Variants in MYO16 observed in about 807,000 individuals in gnomAD.
MYO16 encodes unconventional myosin-XVI.
MYO16 carries 94 observed loss-of-function variants against 205.3 expected under a neutral mutation model. The observed-to-expected ratio is 0.46, with a 90% CI of 0.39 to 0.54. The LOEUF (loss-of-function observed/expected upper bound fraction) is 0.54, where lower values mean the gene tolerates loss of function less well. Among genes scored for constraint, MYO16 ranks in the 20% least tolerant of loss-of-function variants. The probability of loss-of-function intolerance (pLI) is 0.00; values close to 1 mark genes in which losing one functional copy is unlikely to be tolerated. For synonymous variants in MYO16, 988 were observed against 954.0 expected, an observed-to-expected ratio of 1.04 and a Z score of -0.66; for missense variants, 2,315 against 2,387.5, an observed-to-expected ratio of 0.97 and a Z score of 0.63.
rs577217836 is a variant in MYO16, at chr13:109,022,122, AAT to A, written c.2796+2219_2796+2220del. On this transcript the variant is annotated intron_variant, in intron 23 of 34. Coordinates refer to ENST00000457511, the MANE Select transcript of MYO16 (RefSeq NM_001198950.3). The stretch of plus-strand genomic sequence containing the variant: ...CATATAAAACATATTTATATATACA[AAT>A]ATATATACATATATATATTTATATA... Among the ~76,000 whole-genome samples, 461 of 141,574 alleles carry A rather than the reference AAT, an allele frequency of 3.3e-3. 19 individuals are homozygous for A. Among genetic ancestry groups the A allele is most frequent in the African/African-American group, 0.012 (444 of 37,824 alleles). The allele number at this position is 141,574 out of a possible 152,430, so 92.9% of individuals were successfully genotyped here.
chr13:108,951,048 G>T (rs28434400), intron 16 of MYO16, among the ~76,000 whole-genome samples: 4,812 of 120,312 alleles, frequency 0.04, 234 homozygotes, highest in African/African-American at 0.13. Context: ...ACGTTTTTTT[G>T]TTTTTGTTTT....
chr13:108,990,626 TTTC>T (rs1464303159), intron 20 of MYO16, among the ~76,000 whole-genome samples: 1 of 152,232 alleles, frequency 6.6e-6, no homozygotes, highest in African/African-American at 2.4e-5. Context: ...ATTTTTATTC[TTTC>T]TTCTTATAAA....
intron 15 of MYO16, among the ~76,000 whole-genome samples, chr13:108,908,110 T>C (rs1307436161): frequency 6.6e-6 from 1 of 152,184 alleles, no homozygotes; most frequent in Non-Finnish European, 1.5e-5. Flanking sequence ...TGCCACCTAA[T>C]TGATTCTCAT....
At chr13:109,071,962 T>C (rs1194407029) in intron 27 of MYO16, among the ~76,000 whole-genome samples, 1 of 152,196 alleles carries the variant, frequency 6.6e-6, no homozygotes, top group East Asian at 1.9e-4. Context: ...ACTTCAGCAC[T>C]GAATTTCATA....
intron 13 of MYO16, among the ~76,000 whole-genome samples, chr13:108,887,144 C>T (rs1247830049): frequency 1.3e-5 from 2 of 152,028 alleles, no homozygotes; most frequent in Non-Finnish European, 2.9e-5. Flanking sequence ...ATGGATGTCC[C>T]AAAACTCAGT....
intron 27 of MYO16, among the ~76,000 whole-genome samples, chr13:109,058,700 G>C (rs1053951216): frequency 6.6e-6 from 1 of 152,110 alleles, no homozygotes; most frequent in African/African-American, 2.4e-5. Context: ...GGTTGCTGAA[G>C]GCTAGGGTGG....
chr13:109,084,553 C>T (rs1364203973), intron 27 of MYO16, among the ~76,000 whole-genome samples: 2 of 152,114 alleles, frequency 1.3e-5, no homozygotes, highest in East Asian at 1.9e-4. Context: ...AGGGGATGGT[C>T]ACTAGCATCA....
chr13:109,035,018 A>G (rs767882411), intron 23 of MYO16, among the ~76,000 whole-genome samples: 3 of 152,214 alleles, frequency 2.0e-5, no homozygotes, highest in Non-Finnish European at 4.4e-5. Flanking sequence ...GTTGAGAAGC[A>G]GAAACTATAA....
At chr13:109,183,237 G>A (rs1387677210) in intron 34 of MYO16, among the ~76,000 whole-genome samples, 1 of 152,196 alleles carries the variant, frequency 6.6e-6, no homozygotes, top group Non-Finnish European at 1.5e-5. Context: ...GGGGAATGCT[G>A]ACAGCATCAG....
At chr13:109,088,249 A>G (rs1315764107) in intron 27 of MYO16, among the ~76,000 whole-genome samples, 1 of 152,216 alleles carries the variant, frequency 6.6e-6, no homozygotes, top group Non-Finnish European at 1.5e-5. Context: ...CTAGGGCTGT[A>G]TGGGAAGCAA....
chr13:109,079,875 A>C (rs920640954), intron 27 of MYO16, among the ~76,000 whole-genome samples: 9 of 97,418 alleles, frequency 9.2e-5, no homozygotes, highest in African/African-American at 3.1e-4. Context: ...TTATTTCTTT[A>C]TTTCTTTTTT....
chr13:108,926,720 G>T (rs1438980617), intron 16 of MYO16, among the ~76,000 whole-genome samples: 1 of 152,114 alleles, frequency 6.6e-6, no homozygotes, highest in Non-Finnish European at 1.5e-5. Context: ...CAGTGCCATC[G>T]ACATTCACCA....
intron 32 of MYO16, among the ~76,000 whole-genome samples, chr13:109,158,304 C>T (rs1400230342): frequency 6.6e-6 from 1 of 152,160 alleles, no homozygotes; most frequent in Non-Finnish European, 1.5e-5. Context: ...TTCTCTCTCC[C>T]CACTAAGAAA....
In MYO16 at chr13:108,929,929, T is replaced by G. The variant is rs1333772319; in HGVS notation, c.1925+19779T>G. Among the ~76,000 whole-genome samples the G allele has an allele frequency of 2.6e-5, 4 of 152,206 alleles. No homozygotes were observed. In the East Asian group the frequency reaches 7.7e-4, roughly 29 times the overall value. On this transcript the variant is annotated intron_variant, in intron 16 of 34. Coordinates refer to ENST00000457511, the MANE Select transcript of MYO16 (RefSeq NM_001198950.3). ...ATAATTGTGGCACTTTAAAATAGTT[T>G]AAATAAATGAACCTAAGCTATATGC...
chr13:108,869,646 G>A (rs1361624793), intron 12 of MYO16, among the ~76,000 whole-genome samples: 2 of 148,350 alleles, frequency 1.3e-5, no homozygotes, highest in Non-Finnish European at 3.0e-5. Flanking sequence ...CAGCAGAATG[G>A]CGTGAACCCG....
intron 31 of MYO16, among the ~76,000 whole-genome samples, chr13:109,130,466 A>G (rs969778616): frequency 3.3e-5 from 5 of 152,260 alleles, no homozygotes; most frequent in African/African-American, 1.2e-4. Flanking sequence ...GTATTTCTGC[A>G]TTCTGGCATG....
At chr13:109,149,810 A>C (rs895800403) in intron 32 of MYO16, among the ~76,000 whole-genome samples, 1 of 152,184 alleles carries the variant, frequency 6.6e-6, no homozygotes, top group African/African-American at 2.4e-5. Context: ...TGCACAGCAC[A>C]CGTGATAGAC....
chr13:108,606,933 G>A (rs962967565), intron 1 of MYO16, among the ~76,000 whole-genome samples: 2 of 152,244 alleles, frequency 1.3e-5, no homozygotes, highest in African/African-American at 2.4e-5. Flanking sequence ...AGCATGACCT[G>A]CATGTGAGAC....
intron 34 of MYO16, among the ~76,000 whole-genome samples, chr13:109,199,051 A>G (rs181046392): frequency 6.6e-6 from 1 of 151,600 alleles, no homozygotes; most frequent in South Asian, 2.1e-4. Flanking sequence ...TTCTCCTCGC[A>G]TGTTCTTCTC....
Sources: allele counts gnomAD v4.1 joint callset (sites outside exome capture counted in the v4.1 genomes callset), GRCh38; gene constraint gnomAD v4.1.1; transcripts MANE v1.5; gene names NCBI Gene and HGNC (gene_info 2026-07-23, HGNC 2026-07-21).